EDN1: variants seen among roughly 807,000 people sequenced by gnomAD.
EDN1 encodes the protein endothelin-1.
In EDN1, 11 loss-of-function variants were observed where a neutral mutation model predicts 21.7. The ratio of observed to expected loss-of-function variants is 0.51; its 90% confidence interval spans 0.32 to 0.84. The LOEUF is 0.84. EDN1 is among the 40% of genes least tolerant of loss of function. The pLI is 0.03. For synonymous variants in EDN1, 85 were observed against 90.6 expected, an observed-to-expected ratio of 0.94 and a Z score of 0.35; for missense variants, 244 against 262.3, an observed-to-expected ratio of 0.93 and a Z score of 0.48.
the EDN1 span, among the ~76,000 whole-genome samples, chr6:12,252,773 C>T: frequency 6.6e-6 from 1 of 152,120 alleles, no homozygotes; most frequent in Admixed American, 6.6e-5. Context: ...TCACTCCCTA[C>T]TCACTATAAG....
intron 1 of EDN1, 33 bp downstream of exon 1, chr6:12,290,726 A>C: frequency 1.3e-6 from 2 of 1,577,112 alleles, no homozygotes; most frequent in East Asian, 2.2e-5. Flanking sequence ...AAGTCTCGGA[A>C]TTACAAGTTA....
chr6:12,267,883 A>T, the EDN1 span, among the ~76,000 whole-genome samples: 1 of 152,206 alleles, frequency 6.6e-6, no homozygotes, highest in Non-Finnish European at 1.5e-5. Flanking sequence ...TTTATGTTGA[A>T]GCCAATGCCT....
chr6:12,290,623 T>G lies in EDN1; in HGVS notation c.-7T>G, dbSNP rs1168659990. 3 of 1,614,052 alleles carry G rather than the reference T, an allele frequency of 1.9e-6. No homozygotes were observed. In the African/African-American group the frequency reaches 4.0e-5, roughly 22 times the overall value. On this transcript the variant is annotated 5_prime_UTR_variant, in exon 1 of 5. Coordinates refer to ENST00000379375, the MANE Select transcript of EDN1 (RefSeq NM_001955.5). ...GAACGGGAGGTTTTTGATCCCTTTTTTTCAGAATGGATTATTTGCTCATGA... is the reference window on the plus strand; with the variant it reads ...GAACGGGAGGTTTTTGATCCCTTTTGTTCAGAATGGATTATTTGCTCATGA...
At position 12,296,014 on chromosome 6, in the gene EDN1, A is replaced by G. The variant is rs1455015366; in HGVS notation, c.586A>G (p.Lys196Glu). 3 of 1,614,096 alleles carry G rather than the reference A, an allele frequency of 1.9e-6. No individual in the cohort carries two copies. The highest frequency in any genetic ancestry group is 2.5e-6 in the Non-Finnish European group (3 of 1,180,002). ...VKSSFHDPKL[K>E]GKPSRERYVT... ...ATCATCTTTTCATGATCCCAAGCTG[A>G]AAGGCAAGCCCTCCAGAGAGCGTTA... The change falls in exon 5 of 5, where the codon AAA (lysine) becomes GAA (glutamate). Residue 196 changes from lysine (K) to glutamate (E), a missense_variant. Lys to Glu is a moderately conservative substitution (Grantham distance 56, BLOSUM62 1). Transcript: ENST00000379375.
chr6:12,242,579 A>C, the EDN1 span, among the ~76,000 whole-genome samples: 1 of 152,174 alleles, frequency 6.6e-6, no homozygotes, highest in South Asian at 2.1e-4. Context: ...AGTATATCCC[A>C]TGGTATGTGG....
chr6:12,258,378 G>T, the EDN1 span, among the ~76,000 whole-genome samples: 2 of 145,042 alleles, frequency 1.4e-5, no homozygotes, highest in African/African-American at 5.0e-5. Flanking sequence ...GAGCCTGGGA[G>T]GTCAAGGCTG....
At chr6:12,241,308 G>A in the EDN1 span, among the ~76,000 whole-genome samples, 1 of 151,852 alleles carries the variant, frequency 6.6e-6, no homozygotes, top group Non-Finnish European at 1.5e-5. Context: ...TGTTATTACA[G>A]GTGTGCACCC....
chr6:12,272,736 G>A, the EDN1 span, among the ~76,000 whole-genome samples: 1 of 151,884 alleles, frequency 6.6e-6, no homozygotes, highest in Non-Finnish European at 1.5e-5. Flanking sequence ...CAAAATGCTA[G>A]GATTATAGGC....
upstream of EDN1, among the ~76,000 whole-genome samples, chr6:12,287,546 A>G (rs998967598): frequency 3.9e-5 from 6 of 152,028 alleles, no homozygotes; most frequent in Admixed American, 2.0e-4. Flanking sequence ...CTGCCCCTAC[A>G]GGAGGAAAAG....
the EDN1 span, among the ~76,000 whole-genome samples, chr6:12,262,607 C>G: frequency 1.8e-4 from 28 of 152,320 alleles, no homozygotes; most frequent in South Asian, 6.2e-4. Flanking sequence ...TACGGCAGCT[C>G]ATGCCTGTAA....
chr6:12,276,952 CT>C, the EDN1 span, among the ~76,000 whole-genome samples: 1 of 152,078 alleles, frequency 6.6e-6, no homozygotes, highest in African/African-American at 2.4e-5. Flanking sequence ...TTTTTGTTTG[CT>C]TTTTTTGGAC....
At chr6:12,243,254 G>A in the EDN1 span, among the ~76,000 whole-genome samples, 2 of 150,530 alleles carry the variant, frequency 1.3e-5, no homozygotes, top group African/African-American at 4.9e-5. Flanking sequence ...TCATCTTAAA[G>A]GGCTTCATCC....
At chr6:12,262,740 T>G in the EDN1 span, among the ~76,000 whole-genome samples, 1 of 151,846 alleles carries the variant, frequency 6.6e-6, no homozygotes, top group African/African-American at 2.4e-5. Context: ...GGCGTGGTTG[T>G]GGGCACCTGT....
chr6:12,279,489 G>C, the EDN1 span, among the ~76,000 whole-genome samples: 1 of 152,236 alleles, frequency 6.6e-6, no homozygotes, highest in African/African-American at 2.4e-5. Context: ...GCCAAGACAG[G>C]AGCTGGAGCT....
intron 4 of EDN1, among the ~76,000 whole-genome samples, chr6:12,295,560 T>C (rs1260072320): frequency 6.6e-6 from 1 of 152,198 alleles, no homozygotes; most frequent in African/African-American, 2.4e-5. Flanking sequence ...TTTCTTTTTC[T>C]CTCTTTTCAA....
the EDN1 span, among the ~76,000 whole-genome samples, chr6:12,239,432 G>A: frequency 2.0e-5 from 3 of 152,132 alleles, no homozygotes; most frequent in Admixed American, 2.0e-4. Flanking sequence ...ACGGCCAAGT[G>A]ACTACACTTT....
At chr6:12,248,588 A>C in the EDN1 span, among the ~76,000 whole-genome samples, 2 of 152,216 alleles carry the variant, frequency 1.3e-5, no homozygotes, top group African/African-American at 4.8e-5. Context: ...CACTCCACTG[A>C]ATGACAAGTC....
the EDN1 span, among the ~76,000 whole-genome samples, chr6:12,258,396 G>A: frequency 7.5e-6 from 1 of 133,792 alleles, no homozygotes; most frequent in Non-Finnish European, 1.5e-5. Context: ...CTGCCAGTGA[G>A]CTGTGATTGC....
At chr6:12,250,660 T>A in the EDN1 span, among the ~76,000 whole-genome samples, 1,715 of 152,316 alleles carry the variant, frequency 0.011, 26 homozygotes, top group African/African-American at 0.04. Context: ...ATTTGAAATT[T>A]AAAATTTGGC....
Sources: allele counts gnomAD v4.1 joint callset (sites outside exome capture counted in the v4.1 genomes callset), GRCh38; gene constraint gnomAD v4.1.1; transcripts MANE v1.5; gene names NCBI Gene and HGNC (gene_info 2026-07-23, HGNC 2026-07-21).